SCAPER: variants seen among roughly 807,000 people sequenced by gnomAD.
SCAPER encodes S-phase cyclin A associated protein in the ER, also known as S phase cyclin A-associated protein in the endoplasmic reticulum.
In SCAPER, 98 loss-of-function variants were observed where a neutral mutation model predicts 182.2. The ratio of observed to expected loss-of-function variants is 0.54; its 90% confidence interval spans 0.46 to 0.64. The LOEUF is 0.64. Among genes scored for constraint, SCAPER ranks in the 30% least tolerant of loss-of-function variants. The pLI is 0.00. For synonymous variants in SCAPER, 605 were observed against 564.6 expected, an observed-to-expected ratio of 1.07 and a Z score of -1.01; for missense variants, 1,432 against 1,690.0, an observed-to-expected ratio of 0.85 and a Z score of 2.68.
At chr15:76,875,863 C>A (rs1335021749) in intron 2 of SCAPER, among the ~76,000 whole-genome samples, 1 of 152,144 alleles carries the variant, frequency 6.6e-6, no homozygotes, top group East Asian at 1.9e-4. Flanking sequence ...CTGCAAAGAG[C>A]GAAAGAGCAG....
At position 76,672,296 on chromosome 15, in the gene SCAPER, C is replaced by T. The variant is rs562803581; in HGVS notation, c.2509-6507G>A. 3.3e-5 allele frequency among the ~76,000 whole-genome samples: 5 copies of T among 152,218 alleles called. No homozygotes were observed. The East Asian group carries it at 9.7e-4, about 29-fold the overall frequency. On this transcript the variant is annotated intron_variant, in intron 20 of 31. Transcript: ENST00000563290. ...TTCTAAAAGTTTCATAAAACTAATTCCATGTAAAAATTTGCAAGAGAAAAT... is the reference window on the plus strand; with the variant it reads ...TTCTAAAAGTTTCATAAAACTAATTTCATGTAAAAATTTGCAAGAGAAAAT...
chr15:76,434,097 G>T lies in SCAPER; in HGVS notation c.3292C>A (p.Arg1098=), dbSNP rs1386676665. The T allele has an allele frequency of 6.2e-7, 1 of 1,613,726 alleles. No individual in the cohort carries two copies. The highest frequency in any genetic ancestry group is 8.5e-7 in the Non-Finnish European group (1 of 1,179,742). ...TTTTACCTGATAAGGTCCTGAACTC[G>T]ATTGTTAAAAGGATCACCTTGTGAG... The part of the protein sequence containing the change: ...KPSQGDPFNN[R]VQDLISYVVN... Residue 1098 remains arginine (R), a synonymous_variant, in exon 26 of 32, where the codon CGA becomes AGA. Transcript: ENST00000563290.
At chr15:76,377,452 T>C (rs2042647975) in intron 28 of SCAPER, among the ~76,000 whole-genome samples, 1 of 152,174 alleles carries the variant, frequency 6.6e-6, no homozygotes. Flanking sequence ...TAACCTTCAC[T>C]GATAAGAGCA....
chr15:76,412,796 A>T (rs1228215004), intron 26 of SCAPER, among the ~76,000 whole-genome samples: 1 of 152,174 alleles, frequency 6.6e-6, no homozygotes, highest in African/African-American at 2.4e-5. Context: ...GATTTTGATT[A>T]GGATTGCACA....
chr15:76,694,985 C>T (rs986977489), intron 20 of SCAPER, among the ~76,000 whole-genome samples: 3 of 151,866 alleles, frequency 2.0e-5, no homozygotes, highest in Non-Finnish European at 1.5e-5. Context: ...AAATTAATAA[C>T]GATTTATTAT....
chr15:76,878,466 A>C (rs1205261420), intron 2 of SCAPER, among the ~76,000 whole-genome samples: 1 of 152,190 alleles, frequency 6.6e-6, no homozygotes, highest in African/African-American at 2.4e-5. Context: ...ACTAATCATA[A>C]AGGAAAAATT....
At chr15:76,378,720 A>T (rs2042738956) in intron 28 of SCAPER, among the ~76,000 whole-genome samples, 3 of 152,194 alleles carry the variant, frequency 2.0e-5, no homozygotes, top group Admixed American at 2.0e-4. Flanking sequence ...GCTAAGTCAT[A>T]AAAAGTCCTG....
chr15:76,881,356 A>G (rs1000601214), intron 2 of SCAPER, among the ~76,000 whole-genome samples: 20 of 152,352 alleles, frequency 1.3e-4, no homozygotes, highest in African/African-American at 4.6e-4. Flanking sequence ...TCGGCCTTCC[A>G]AAGTGCTAGG....
At chr15:76,715,469 A>G (rs2059839433) in intron 17 of SCAPER, among the ~76,000 whole-genome samples, 1 of 151,842 alleles carries the variant, frequency 6.6e-6, no homozygotes, top group African/African-American at 2.4e-5. Context: ...GTCCCCCTAC[A>G]TTTCAATCTG....
intron 2 of SCAPER, among the ~76,000 whole-genome samples, chr15:76,875,923 G>T (rs34450864): frequency 0.27 from 40,677 of 151,310 alleles, 6,206 homozygotes; most frequent in East Asian, 0.55. Flanking sequence ...CCCACGGTGG[G>T]GGGCGGGGTC....
At chr15:76,828,273 T>C (rs530882358) in intron 5 of SCAPER, among the ~76,000 whole-genome samples, 1 of 151,654 alleles carries the variant, frequency 6.6e-6, no homozygotes, top group East Asian at 1.9e-4. Context: ...AGTATTCTGT[T>C]ATAAGCAATA....
chr15:76,516,427 T>C (rs1443314195), intron 23 of SCAPER, among the ~76,000 whole-genome samples: 2 of 141,892 alleles, frequency 1.4e-5, no homozygotes, highest in African/African-American at 5.1e-5. Context: ...TGTGTTCTCA[T>C]TGTTCAATTC....
intron 31 of SCAPER, chr15:76,349,994 C>A (rs1421119503): frequency 1.3e-5 from 2 of 152,124 alleles, no homozygotes; most frequent in Non-Finnish European, 2.9e-5. Flanking sequence ...AACTGCTGTA[C>A]AATTGAAAAT....
intron 8 of SCAPER, among the ~76,000 whole-genome samples, chr15:76,783,064 A>C (rs1236710392): frequency 6.6e-6 from 1 of 152,218 alleles, no homozygotes; most frequent in African/African-American, 2.4e-5. Flanking sequence ...AGACACAAAA[A>C]ATCCTTCAAA....
At chr15:76,588,183 A>C (rs1316359232) in intron 22 of SCAPER, among the ~76,000 whole-genome samples, 2 of 151,954 alleles carry the variant, frequency 1.3e-5, no homozygotes, top group Admixed American at 6.6e-5. Context: ...CAGCCTCCCA[A>C]AGTGCTGGGA....
intron 17 of SCAPER, among the ~76,000 whole-genome samples, chr15:76,721,000 C>T (rs895564802): frequency 2.6e-5 from 4 of 152,108 alleles, no homozygotes; most frequent in Non-Finnish European, 5.9e-5. Context: ...AGTCCTTGCC[C>T]ATGCCTATGT....
chr15:76,590,339 T>C (rs1333556833), intron 22 of SCAPER, among the ~76,000 whole-genome samples: 1 of 152,196 alleles, frequency 6.6e-6, no homozygotes, highest in Admixed American at 6.5e-5. Context: ...TATGAAAACA[T>C]GGAAAATGTA....
At chr15:76,496,583 G>T (rs2040570253) in intron 24 of SCAPER, among the ~76,000 whole-genome samples, 1 of 152,178 alleles carries the variant, frequency 6.6e-6, no homozygotes, top group African/African-American at 2.4e-5. Context: ...AGGACCTAGG[G>T]ATAGTAAGTT....
At chr15:76,487,585 A>C (rs1038950508) in intron 24 of SCAPER, among the ~76,000 whole-genome samples, 1 of 152,184 alleles carries the variant, frequency 6.6e-6, no homozygotes. Flanking sequence ...ACACCAATGC[A>C]AGATTTCAAG....
Sources: gnomAD v4.1 joint callset for allele counts (sites outside exome capture counted in the v4.1 genomes callset) on GRCh38, gnomAD v4.1.1 for gene constraint, MANE v1.5 for transcripts, NCBI Gene and HGNC (gene_info 2026-07-23, HGNC 2026-07-21) for gene names.